The following PKIG variants were observed in gnomAD, a reference collection of about 807,000 sequenced individuals.
PKIG encodes the protein cAMP-dependent protein kinase inhibitor gamma.
A neutral mutation model predicts 6.8 loss-of-function variants in PKIG; 1 was observed. That is an observed-to-expected ratio of 0.15 (90% CI 0.05 to 0.69). The LOEUF is 0.69. Among genes scored for constraint, PKIG ranks in the 30% least tolerant of loss-of-function variants. The probability of loss-of-function intolerance (pLI) is 0.82; values close to 1 mark genes in which losing one functional copy is unlikely to be tolerated. For missense variants in PKIG, 77 were observed against 104.0 expected, an observed-to-expected ratio of 0.74 and a Z score of 1.13; for synonymous variants, 39 against 43.0, an observed-to-expected ratio of 0.91 and a Z score of 0.36.
chr20:44,601,562 C>A (rs1185710782), intron 2 of PKIG, among the ~76,000 whole-genome samples: 1 of 152,206 alleles, frequency 6.6e-6, no homozygotes, highest in Non-Finnish European at 1.5e-5. Flanking sequence ...CAGAGAGAAG[C>A]CGCTACCCTT....
At position 44,555,546 on chromosome 20, in the gene PKIG, T is replaced by A. The variant is rs149414058; in HGVS notation, c.-241+23568T>A. ...TGTTGGCTTTAGATAAGTTACAGAGTAGTTTAGGCCCACATGATTTAAGCT... is the reference window on the plus strand; with the variant it reads ...TGTTGGCTTTAGATAAGTTACAGAGAAGTTTAGGCCCACATGATTTAAGCT... On this transcript the variant is annotated intron_variant, in intron 1 of 4. Transcript: ENST00000372887. 5.3e-5 allele frequency among the ~76,000 whole-genome samples: 8 copies of A among 152,260 alleles called. No individual in the cohort carries two copies. The East Asian group carries it at 1.4e-3, about 26-fold the overall frequency.
chr20:44,578,935 G>T (rs1188617461), upstream of PKIG, among the ~76,000 whole-genome samples: 1 of 152,098 alleles, frequency 6.6e-6, no homozygotes, highest in African/African-American at 2.4e-5. Flanking sequence ...ACTTTGGGAG[G>T]CCAAGGCAGG....
chr20:44,598,166 T>C, intron 2 of PKIG, among the ~76,000 whole-genome samples: 1 of 152,174 alleles, frequency 6.6e-6, no homozygotes, highest in East Asian at 1.9e-4. Flanking sequence ...GGTTACTTCA[T>C]AGGGCCTGTT....
At chr20:44,565,765 T>C (rs1457240499) in intron 1 of PKIG, among the ~76,000 whole-genome samples, 1 of 152,198 alleles carries the variant, frequency 6.6e-6, no homozygotes, top group African/African-American at 2.4e-5. Flanking sequence ...TAGGTGATTA[T>C]TTTATTATTT....
At chr20:44,571,397 CT>C in intron 1 of PKIG, among the ~76,000 whole-genome samples, 1 of 152,162 alleles carries the variant, frequency 6.6e-6, no homozygotes, top group East Asian at 1.9e-4. Context: ...TTCTAATGAG[CT>C]TTACTGGCAG....
chr20:44,572,775 G>A (rs1260321764), intron 1 of PKIG, among the ~76,000 whole-genome samples: 1 of 152,110 alleles, frequency 6.6e-6, no homozygotes, highest in East Asian at 1.9e-4. Context: ...CAAGCTCAAG[G>A]CTCTTGTGCC....
chr20:44,532,170 G>A (rs1464072078), intron 1 of PKIG, among the ~76,000 whole-genome samples: 1 of 152,178 alleles, frequency 6.6e-6, no homozygotes, highest in African/African-American at 2.4e-5. Context: ...GGGAGAGTCC[G>A]TTTTCGGCTG....
intron 2 of PKIG, among the ~76,000 whole-genome samples, chr20:44,590,667 A>G (rs2065026617): frequency 6.6e-6 from 1 of 152,202 alleles, no homozygotes; most frequent in South Asian, 2.1e-4. Flanking sequence ...GTGGTTGTTA[A>G]GGTATCAGAA....
chr20:44,585,771 C>T (rs1026486628), intron 1 of PKIG, among the ~76,000 whole-genome samples: 1 of 152,250 alleles, frequency 6.6e-6, no homozygotes, highest in Non-Finnish European at 1.5e-5. Context: ...ACCATTTGCG[C>T]ATTCCCCTGT....
At chr20:44,553,678 T>C (rs1035357866) in intron 1 of PKIG, among the ~76,000 whole-genome samples, 1 of 152,190 alleles carries the variant, frequency 6.6e-6, no homozygotes, top group Non-Finnish European at 1.5e-5. Context: ...AAAAACATAG[T>C]GCCTGCTGTC....
At chr20:44,605,471 A>G (rs2065156454) in intron 2 of PKIG, among the ~76,000 whole-genome samples, 1 of 152,112 alleles carries the variant, frequency 6.6e-6, no homozygotes, top group African/African-American at 2.4e-5. Flanking sequence ...GTATGTAACA[A>G]TGATAGCTTT....
chr20:44,575,507 T>C (rs2064889533), intron 1 of PKIG, among the ~76,000 whole-genome samples: 1 of 152,202 alleles, frequency 6.6e-6, no homozygotes, highest in South Asian at 2.1e-4. Context: ...TCACAATCAA[T>C]AATAAAAGAC....
At chr20:44,613,036 A>G (rs982404872) in intron 2 of PKIG, among the ~76,000 whole-genome samples, 2 of 152,186 alleles carry the variant, frequency 1.3e-5, no homozygotes, top group Non-Finnish European at 2.9e-5. Context: ...AACATAAGGT[A>G]TGGTCCCAAA....
intron 1 of PKIG, among the ~76,000 whole-genome samples, chr20:44,583,124 A>G (rs1227417494): frequency 6.6e-6 from 1 of 152,204 alleles, no homozygotes; most frequent in Non-Finnish European, 1.5e-5. Flanking sequence ...ACATTCTAGA[A>G]AGAAAAGTCT....
Position 44,614,659 on chromosome 20 carries a change from G to A in PKIG, c.103G>A (p.Val35Met), listed in dbSNP as rs200673295. 8 of 1,614,072 alleles carry A rather than the reference G, an allele frequency of 5.0e-6. No homozygotes were observed. The highest frequency in any genetic ancestry group is 1.7e-5 in the Admixed American group (1 of 60,020). Residue 35 changes from valine (V) to methionine (M), a missense_variant, in exon 3 of 4, where the codon GTG (valine) becomes ATG (methionine). Coordinates refer to ENST00000372886, the MANE Select transcript of PKIG (RefSeq NM_001281445.2). The surrounding 1 kb of genome is among the most constrained non-coding windows in gnomAD (Gnocchi z 4.6). ...CCAGGGAGACTCAGAGGCTGTGAGC[G>A]TGAGGAAGCTGGCTGGAGACATGGG... ...DIQGDSEAVSVRKLAGDMGEL... is the reference protein window; with the variant it reads ...DIQGDSEAVSMRKLAGDMGEL...
chr20:44,614,586 C>A lies in PKIG; in HGVS notation c.30C>A (p.Asp10Glu). The change falls in exon 3 of 4, where the codon GAC becomes GAA. Residue 10 changes from aspartate to glutamate, a missense_variant. Physicochemically the swap from Asp to Glu is conservative, Grantham distance 45. Transcript: ENST00000372886. This position sits in a 1 kb window ranked among gnomAD's most constrained non-coding sequence, Gnocchi z 4.6. ...TGGAGGTCGAGTCCTCCTACTCGGA[C>A]TTCATCTCCTGTGACCGGACAGGCC... MMEVESSYS[D>E]FISCDRTGRR... 6.2e-7 allele frequency: 1 copy of A among 1,614,104 alleles called. No individual in the cohort carries two copies.
chr20:44,616,453 C>G (rs1568838389), intron 3 of PKIG, among the ~76,000 whole-genome samples: 1 of 152,232 alleles, frequency 6.6e-6, no homozygotes, highest in Non-Finnish European at 1.5e-5. Flanking sequence ...CCTGGGCTCT[C>G]TCTCAAGGCT....
intron 1 of PKIG, among the ~76,000 whole-genome samples, chr20:44,546,172 C>T (rs963654072): frequency 2.6e-5 from 4 of 151,972 alleles, no homozygotes; most frequent in Non-Finnish European, 5.9e-5. Flanking sequence ...TCACCTGAGC[C>T]CAGGGAGGTT....
At chr20:44,550,327 G>A (rs1267545405) in intron 1 of PKIG, among the ~76,000 whole-genome samples, 1 of 151,410 alleles carries the variant, frequency 6.6e-6, no homozygotes, top group Non-Finnish European at 1.5e-5. Flanking sequence ...GATGATACCG[G>A]CCATTTAGCC....
Sources: gnomAD v4.1 joint callset for allele counts (sites outside exome capture counted in the v4.1 genomes callset) on GRCh38, gnomAD v4.1.1 for gene constraint, Gnocchi (gnomAD v3.1) non-coding constraint, MANE v1.5 for transcripts, NCBI Gene and HGNC (gene_info 2026-07-23, HGNC 2026-07-21) for gene names.